ETV6: variants seen among roughly 807,000 people sequenced by gnomAD.
The protein encoded by ETV6 is transcription factor ETV6.
A neutral mutation model predicts 51.1 loss-of-function variants in ETV6; 16 were observed. The observed-to-expected ratio is 0.31, with a 90% CI of 0.21 to 0.48. The LOEUF (loss-of-function observed/expected upper bound fraction) is 0.48, where lower values mean the gene tolerates loss of function less well. Among genes scored for constraint, ETV6 ranks in the 20% least tolerant of loss-of-function variants. ETV6 has a pLI of 0.99. For synonymous variants in ETV6, 240 were observed against 224.1 expected, an observed-to-expected ratio of 1.07 and a Z score of -0.64; for missense variants, 458 against 594.8, an observed-to-expected ratio of 0.77 and a Z score of 2.39.
chr12:11,795,794 A>C (rs920121316), intron 2 of ETV6, among the ~76,000 whole-genome samples: 1 of 152,208 alleles, frequency 6.6e-6, no homozygotes, highest in Non-Finnish European at 1.5e-5. Flanking sequence ...AGGTTGCCTA[A>C]CCTCTCCAAA....
chr12:11,724,671 G>A (rs186828413), intron 1 of ETV6, among the ~76,000 whole-genome samples: 1 of 152,242 alleles, frequency 6.6e-6, no homozygotes, highest in Admixed American at 6.5e-5. Flanking sequence ...GGGGAGTGAG[G>A]GGCTGAAAAA....
chr12:11,707,748 C>T (rs1312253281), intron 1 of ETV6, among the ~76,000 whole-genome samples: 1 of 152,218 alleles, frequency 6.6e-6, no homozygotes, highest in Non-Finnish European at 1.5e-5. Context: ...GGGGATCGGT[C>T]CTGGAGAACG....
chr12:11,727,442 C>T (rs1473150259), intron 1 of ETV6, among the ~76,000 whole-genome samples: 1 of 152,208 alleles, frequency 6.6e-6, no homozygotes, highest in Non-Finnish European at 1.5e-5. Flanking sequence ...GGTATCTGTT[C>T]CCTTTGATCA....
intron 2 of ETV6, among the ~76,000 whole-genome samples, chr12:11,779,871 A>C (rs1945386433): frequency 6.6e-6 from 1 of 152,248 alleles, no homozygotes; most frequent in South Asian, 2.1e-4. Flanking sequence ...GCTGAGAAGT[A>C]ACCATTCATT....
Position 11,894,137 on chromosome 12 carries a change from C to T in ETV6, c.*3091C>T, listed in dbSNP as rs1318415703. 1 of 231,060 alleles carries T rather than the reference C, an allele frequency of 4.3e-6. No individual in the cohort carries two copies. Among genetic ancestry groups the T allele is most frequent in the Non-Finnish European group, 8.6e-6 (1 of 116,878 alleles). The allele number at this position is 231,060 out of a possible 1,614,324, so 14.3% of individuals were successfully genotyped here. A position where few individuals can be genotyped will look rare whatever the true frequency, so the allele number is the denominator to read the frequency against. Reference sequence around the variant, plus strand: ...GCTGGACACTGAGGGACCCAAAGCTCAATCAGCCATAATCCCTGCTTTCAG... The same window carrying T: ...GCTGGACACTGAGGGACCCAAAGCTTAATCAGCCATAATCCCTGCTTTCAG... On this transcript the variant is annotated 3_prime_UTR_variant, in exon 8 of 8. Transcript: ENST00000396373.
rs575057994 is a variant in ETV6, at chr12:11,848,537, G to A, written c.329-4890G>A. On this transcript the variant is annotated intron_variant, in intron 3 of 7. Transcript: ENST00000396373. ...CATTACAATACAATAATGGAATTTAGGATTCTCAAAGAACGTGCCTGGCTT... is the reference window on the plus strand; with the variant it reads ...CATTACAATACAATAATGGAATTTAAGATTCTCAAAGAACGTGCCTGGCTT... Among the ~76,000 whole-genome samples the A allele has an allele frequency of 7.2e-5, 11 of 152,350 alleles. No homozygotes were observed. The South Asian group carries it at 2.3e-3, about 32-fold the overall frequency.
In ETV6 at chr12:11,869,052, C is replaced by T. The variant is rs915694518; in HGVS notation, c.464-372C>T. 6.6e-6 allele frequency among the ~76,000 whole-genome samples: 1 copy of T among 152,022 alleles called. No individual in the cohort carries two copies. Among genetic ancestry groups the T allele is most frequent in the African/African-American group, 2.4e-5 (1 of 41,398 alleles). Reference sequence around the variant, plus strand: ...GAGACCCAGACCATCCTGGCTAACACGGTGAAACCCCATCTCTACTAAAAA... The same window carrying T: ...GAGACCCAGACCATCCTGGCTAACATGGTGAAACCCCATCTCTACTAAAAA... On this transcript the variant is annotated intron_variant, in intron 4 of 7. Coordinates refer to ENST00000396373, the MANE Select transcript of ETV6 (RefSeq NM_001987.5). The surrounding 1 kb of genome is among the most constrained non-coding windows in gnomAD (Gnocchi z 5.0).
chr12:11,684,706 C>T (rs1324366355), intron 1 of ETV6, among the ~76,000 whole-genome samples: 1 of 152,126 alleles, frequency 6.6e-6, no homozygotes, highest in Non-Finnish European at 1.5e-5. Flanking sequence ...AAAAACCAAG[C>T]AAGCAAAATG....
intron 2 of ETV6, among the ~76,000 whole-genome samples, chr12:11,834,170 G>A (rs556806059): frequency 6.6e-6 from 1 of 152,324 alleles, no homozygotes; most frequent in African/African-American, 2.4e-5. Context: ...AAGCAAGGAC[G>A]TGATAACTGT....
chr12:11,864,912 C>G (rs1946770569), intron 4 of ETV6, among the ~76,000 whole-genome samples: 1 of 152,142 alleles, frequency 6.6e-6, no homozygotes, highest in African/African-American at 2.4e-5. Context: ...CTTCACCATC[C>G]CAGATTATTT....
chr12:11,846,197 A>G (rs1201959305), intron 3 of ETV6, among the ~76,000 whole-genome samples: 4 of 150,868 alleles, frequency 2.7e-5, no homozygotes, highest in African/African-American at 4.9e-5. Context: ...ATATCTAAAA[A>G]GTACCTCTCC....
chr12:11,790,483 A>G (rs1049940785), intron 2 of ETV6, among the ~76,000 whole-genome samples: 1 of 152,058 alleles, frequency 6.6e-6, no homozygotes, highest in African/African-American at 2.4e-5. Flanking sequence ...TTGGCTGCTT[A>G]GATTCCCAAG....
At chr12:11,785,868 C>T (rs531525026) in intron 2 of ETV6, among the ~76,000 whole-genome samples, 2 of 152,316 alleles carry the variant, frequency 1.3e-5, no homozygotes, top group East Asian at 3.9e-4. Flanking sequence ...CTAGCTTAAA[C>T]TCTTGAGTAA....
rs1866058764 is a variant in ETV6, at chr12:11,752,664, C to T, written c.163+85C>T. ...CAGTGGGCTCCAGGCCAGAGAGGGG[C>T]AAGCTCTGAGGTGGTTTTCACAGGA... On this transcript the variant is annotated intron_variant, in intron 2 of 7. Coordinates refer to ENST00000396373, the MANE Select transcript of ETV6 (RefSeq NM_001987.5). The T allele has an allele frequency of 2.6e-6, 4 of 1,516,156 alleles. No individual in the cohort carries two copies. In the South Asian group the frequency reaches 4.9e-5, roughly 19 times the overall value. The allele number at this position is 1,516,156 out of a possible 1,614,324, so 93.9% of individuals were successfully genotyped here. A position where few individuals can be genotyped will look rare whatever the true frequency, so the allele number is the denominator to read the frequency against.
chr12:11,805,294 TGTCC>T lies in ETV6; in HGVS notation c.164-33842_164-33839del, dbSNP rs1308837393. On this transcript the variant is annotated intron_variant, in intron 2 of 7. Coordinates refer to ENST00000396373, the MANE Select transcript of ETV6 (RefSeq NM_001987.5). ...CTGCTCAGCTGAGTCAGATACCAAT[TGTCC>T]GTCTGTTCCAGCTTCCAAAATTTTG... 7.2e-5 allele frequency among the ~76,000 whole-genome samples: 11 copies of T among 152,206 alleles called. No individual in the cohort carries two copies. The East Asian group carries it at 2.1e-3, about 29-fold the overall frequency.
intron 2 of ETV6, among the ~76,000 whole-genome samples, chr12:11,831,086 A>G (rs1369717770): frequency 6.6e-6 from 1 of 152,188 alleles, no homozygotes; most frequent in Non-Finnish European, 1.5e-5. Flanking sequence ...TGACTTATCA[A>G]CTGCATATGA....
intron 1 of ETV6, among the ~76,000 whole-genome samples, chr12:11,699,033 A>G (rs1343410761): frequency 6.6e-6 from 1 of 152,242 alleles, no homozygotes; most frequent in Non-Finnish European, 1.5e-5. Context: ...TCTCCATTAG[A>G]GCACGATGCT....
intron 2 of ETV6, among the ~76,000 whole-genome samples, chr12:11,789,257 C>T (rs565232766): frequency 6.6e-6 from 1 of 152,298 alleles, no homozygotes; most frequent in East Asian, 1.9e-4. Flanking sequence ...TAGTCTCAAA[C>T]TCCTGACCTC....
At chr12:11,867,276 C>G (rs185813270) in intron 4 of ETV6, among the ~76,000 whole-genome samples, 23 of 152,214 alleles carry the variant, frequency 1.5e-4, no homozygotes, top group Non-Finnish European at 3.1e-4. Flanking sequence ...ATCATAAATA[C>G]TTCATCTTGC....
Sources: allele counts gnomAD v4.1 joint callset (sites outside exome capture counted in the v4.1 genomes callset), GRCh38; gene constraint gnomAD v4.1.1; non-coding constraint Gnocchi (gnomAD v3.1); transcripts MANE v1.5; gene names NCBI Gene and HGNC (gene_info 2026-07-23, HGNC 2026-07-21).